DPP6: variants seen among roughly 807,000 people sequenced by gnomAD.
DPP6 encodes the protein A-type potassium channel modulatory protein DPP6.
In DPP6, 69 loss-of-function variants were observed where a neutral mutation model predicts 122.6. That is an observed-to-expected ratio of 0.56 (90% CI 0.46 to 0.69). The LOEUF (loss-of-function observed/expected upper bound fraction) is 0.69, where lower values mean the gene tolerates loss of function less well. DPP6 is among the 30% of genes least tolerant of loss of function. DPP6 has a pLI of 0.00. For synonymous variants in DPP6, 418 were observed against 433.1 expected (o/e 0.97, Z 0.43); for missense variants, 928 against 1,116.9 (o/e 0.83, Z 2.41).
At chr7:154,276,199 T>G (rs867301812) in intron 1 of DPP6, among the ~76,000 whole-genome samples, 40 of 152,220 alleles carry the variant, frequency 2.6e-4, no homozygotes, top group African/African-American at 9.4e-4. Context: ...TAAAACCCCA[T>G]GCGTAGTTAA....
intron 4 of DPP6, among the ~76,000 whole-genome samples, chr7:154,552,850 C>CT (rs1417008151): frequency 6.6e-6 from 1 of 152,174 alleles, no homozygotes; most frequent in African/African-American, 2.4e-5. Context: ...AACATACAGG[C>CT]TGAAATGTCT....
chr7:154,225,058 C>T (rs1277543458), intron 1 of DPP6, among the ~76,000 whole-genome samples: 2 of 152,088 alleles, frequency 1.3e-5, no homozygotes, highest in African/African-American at 4.8e-5. Context: ...AGGAGAATTG[C>T]TTGAACCTGG....
intron 1 of DPP6, among the ~76,000 whole-genome samples, chr7:153,887,971 G>A (rs1799012242): frequency 6.6e-6 from 1 of 152,200 alleles, no homozygotes; most frequent in African/African-American, 2.4e-5. Context: ...CCTCTCCTTC[G>A]GGCATGTGGC....
intron 1 of DPP6, among the ~76,000 whole-genome samples, chr7:154,090,442 A>T (rs185635844): frequency 6.6e-6 from 1 of 152,366 alleles, no homozygotes; most frequent in East Asian, 1.9e-4. Flanking sequence ...ATATGTGGAT[A>T]TGCCTATTGA....
chr7:154,332,104 C>T (rs1808997438), intron 1 of DPP6, among the ~76,000 whole-genome samples: 1 of 150,240 alleles, frequency 6.7e-6, no homozygotes, highest in Non-Finnish European at 1.5e-5. Context: ...CAGAGTCTCA[C>T]TCTGTCACTC....
the DPP6 span, among the ~76,000 whole-genome samples, chr7:153,875,157 A>G: frequency 6.6e-6 from 1 of 152,232 alleles, no homozygotes; most frequent in African/African-American, 2.4e-5. Context: ...GGAAATAGAA[A>G]TACTAATAAT....
In DPP6 at chr7:154,877,700, C is replaced by T. The variant is rs1040387196; in HGVS notation, c.2078+1600C>T. Reference sequence around the variant, plus strand: ...TCCAGAAAGGAAAGGAAAGTCTCCCCACAAGCAGACAGCAAACCTCTCCTT... The same window carrying T: ...TCCAGAAAGGAAAGGAAAGTCTCCCTACAAGCAGACAGCAAACCTCTCCTT... On this transcript the variant is annotated intron_variant, in intron 20 of 25. Transcript: ENST00000377770. This position sits in a 1 kb window ranked among gnomAD's most constrained non-coding sequence, Gnocchi z 5.2. Among the ~76,000 whole-genome samples the T allele has an allele frequency of 4.6e-5, 7 of 152,164 alleles. No individual in the cohort carries two copies. Among genetic ancestry groups the T allele is most frequent in the Non-Finnish European group, 8.8e-5 (6 of 68,030 alleles).
At chr7:153,790,226 C>T in the DPP6 span, among the ~76,000 whole-genome samples, 1 of 151,984 alleles carries the variant, frequency 6.6e-6, no homozygotes, top group African/African-American at 2.4e-5. Context: ...AATATATAAT[C>T]TTCAAAGGTC....
the DPP6 span, among the ~76,000 whole-genome samples, chr7:153,858,942 T>C: frequency 2.6e-5 from 4 of 152,192 alleles, no homozygotes; most frequent in Admixed American, 1.3e-4. Flanking sequence ...TATACCCCCA[T>C]GACTGCCTTG....
intron 16 of DPP6, among the ~76,000 whole-genome samples, chr7:154,809,446 A>G (rs1285620216): frequency 2.0e-5 from 3 of 152,152 alleles, no homozygotes; most frequent in Non-Finnish European, 4.4e-5. Context: ...TTCAGCCATG[A>G]GCGGGTTTCA....
chr7:154,442,715 C>T (rs1234323434), intron 1 of DPP6, among the ~76,000 whole-genome samples: 1 of 152,092 alleles, frequency 6.6e-6, no homozygotes, highest in Non-Finnish European at 1.5e-5. Context: ...GCTTTACATG[C>T]AAAAGGGATA....
At position 154,460,895 on chromosome 7, in the gene DPP6, GTAT is replaced by G. The variant is rs1365436109; in HGVS notation, c.359-14039_359-14037del. ...TAGTTATTTAAAAATGCATAATAAA[GTAT>G]TATTGACTGTAGTCACATTGTTATG... On this transcript the variant is annotated intron_variant, in intron 2 of 25. Transcript: ENST00000377770. 2.0e-5 allele frequency among the ~76,000 whole-genome samples: 3 copies of G among 152,190 alleles called. No individual in the cohort carries two copies. In the East Asian group the frequency reaches 5.8e-4, roughly 29 times the overall value.
At chr7:154,079,862 C>T (rs1381611485) in intron 1 of DPP6, among the ~76,000 whole-genome samples, 1 of 151,694 alleles carries the variant, frequency 6.6e-6, no homozygotes, top group Non-Finnish European at 1.5e-5. Context: ...CACAGTTGGT[C>T]TCTGGGACTT....
intron 7 of DPP6, among the ~76,000 whole-genome samples, 193 bp downstream of exon 7, chr7:154,669,634 G>C (rs1313733293): frequency 1.3e-5 from 2 of 152,138 alleles, no homozygotes; most frequent in Non-Finnish European, 2.9e-5. Flanking sequence ...TTTTTAGATA[G>C]CAAATTCTCC....
chr7:153,758,684 T>G, the DPP6 span, among the ~76,000 whole-genome samples: 4 of 152,156 alleles, frequency 2.6e-5, no homozygotes, highest in South Asian at 8.3e-4. Context: ...GATTTATTCA[T>G]GTTGCAGCAT....
chr7:154,282,875 A>G lies in DPP6; in HGVS notation c.244-163339A>G, dbSNP rs1045991829. Among the ~76,000 whole-genome samples, 8 of 152,210 alleles carry G rather than the reference A, an allele frequency of 5.3e-5. No individual in the cohort carries two copies. The highest frequency in any genetic ancestry group is 1.9e-4 in the African/African-American group (8 of 41,464). On this transcript the variant is annotated intron_variant, in intron 1 of 25. Coordinates refer to ENST00000377770, the MANE Select transcript of DPP6 (RefSeq NM_130797.4). This position sits in a 1 kb window ranked among gnomAD's most constrained non-coding sequence, Gnocchi z 4.8. ...AGAGATTGCCACTCTTTGGAGCCAC[A>G]TCTGAATGCCAGAAGTTCCCTTGAC...
In DPP6 at chr7:154,637,873, G is replaced by A. The variant is rs776099720; in HGVS notation, c.680G>A (p.Gly227Glu). Reference sequence around the variant, plus strand: ...TACGTCCTGAGCAAAATTCCTCATGGGTAAGAGTGTTCTTTTCTTTCTTTT... The same window carrying A: ...TACGTCCTGAGCAAAATTCCTCATGAGTAAGAGTGTTCTTTTCTTTCTTTT... The part of the protein sequence containing the change: ...GYYVLSKIPH[G>E]DPQSLDPPEV... Residue 227 changes from glycine to glutamate, a missense_variant and splice_region_variant, in exon 6 of 26, where the codon GGG becomes GAG. Coordinates refer to ENST00000377770, the MANE Select transcript of DPP6 (RefSeq NM_130797.4). 1 of 1,572,454 alleles carries A rather than the reference G, an allele frequency of 6.4e-7. No individual in the cohort carries two copies. Among genetic ancestry groups the A allele is most frequent in the Admixed American group, 1.9e-5 (1 of 53,562 alleles).
At chr7:154,058,916 C>T (rs866267039) in intron 1 of DPP6, 61 of 97,600 alleles carry the variant, frequency 6.3e-4, no homozygotes, top group African/African-American at 1.3e-3. Flanking sequence ...TCCCCTCTTC[C>T]GCCCCTGGCT....
intron 1 of DPP6, among the ~76,000 whole-genome samples, chr7:154,104,271 G>T (rs1372368247): frequency 6.6e-6 from 1 of 152,212 alleles, no homozygotes; most frequent in Non-Finnish European, 1.5e-5. Flanking sequence ...AAGGGGTTGT[G>T]CATTTCTCAT....
Sources: gnomAD v4.1 joint callset for allele counts (sites outside exome capture counted in the v4.1 genomes callset) on GRCh38, gnomAD v4.1.1 for gene constraint, Gnocchi (gnomAD v3.1) non-coding constraint, MANE v1.5 for transcripts, NCBI Gene and HGNC (gene_info 2026-07-23, HGNC 2026-07-21) for gene names.